The following TNIP1 variants were observed in gnomAD, a reference collection of about 807,000 sequenced individuals.
TNIP1 encodes TNFAIP3-interacting protein 1.
A neutral mutation model predicts 86.6 loss-of-function variants in TNIP1; 22 were observed. The ratio of observed to expected loss-of-function variants is 0.25; its 90% confidence interval spans 0.18 to 0.36. The LOEUF is 0.36. TNIP1 is among the 10% of genes least tolerant of loss of function. The probability of loss-of-function intolerance (pLI) is 1.00; values close to 1 mark genes in which losing one functional copy is unlikely to be tolerated. For missense variants in TNIP1, 709 were observed against 820.6 expected (o/e 0.86, Z 1.66); for synonymous variants, 294 against 313.0 (o/e 0.94, Z 0.64).
At chr5:151,083,214 G>A (rs1034022840), upstream of TNIP1, among the ~76,000 whole-genome samples, 2 of 152,236 alleles carry the variant, frequency 1.3e-5, no homozygotes, top group African/African-American at 4.8e-5. Context: ...TCAGGCTTCT[G>A]TCTGGAAAAT....
At chr5:151,075,318 T>C (rs1297582907) in intron 1 of TNIP1, among the ~76,000 whole-genome samples, 1 of 152,176 alleles carries the variant, frequency 6.6e-6, no homozygotes, top group African/African-American at 2.4e-5. Context: ...CTTCAATTTT[T>C]CTTTTTTCTT....
Position 151,063,742 on chromosome 5 carries a change from GCTCC to G in TNIP1, c.138_141del (p.Glu47PhefsTer19). 1 of 1,613,836 alleles carries G rather than the reference GCTCC, an allele frequency of 6.2e-7. No individual in the cohort carries two copies. The highest frequency in any genetic ancestry group is 8.5e-7 in the Non-Finnish European group (1 of 1,179,858). On this transcript the variant is annotated frameshift_variant and splice_region_variant, in exon 3 of 18. Transcript: ENST00000521591. LOFTEE classifies it high-confidence loss of function. ...GCTTCCATCTGGGACTCTTCCAAAAGCTCCCCTAGAGTTATTGGGGAAGAGGAAG... is the reference window on the plus strand; with the variant it reads ...GCTTCCATCTGGGACTCTTCCAAAAGCCTAGAGTTATTGGGGAAGAGGAAG...
intron 1 of TNIP1, among the ~76,000 whole-genome samples, chr5:151,079,026 G>T (rs1763705049): frequency 6.6e-6 from 1 of 152,182 alleles, no homozygotes; most frequent in African/African-American, 2.4e-5. Context: ...CCAGGGGCAG[G>T]CATCAACCTT....
chr5:151,040,202 G>A (rs780494664), intron 11 of TNIP1, among the ~76,000 whole-genome samples: 1 of 152,250 alleles, frequency 6.6e-6, no homozygotes, highest in Non-Finnish European at 1.5e-5. Flanking sequence ...GAAAGGTCTG[G>A]AAACAGATGC....
At chr5:151,066,298 C>G (rs557894292) in intron 1 of TNIP1, among the ~76,000 whole-genome samples, 1 of 152,344 alleles carries the variant, frequency 6.6e-6, no homozygotes, top group African/African-American at 2.4e-5. Flanking sequence ...ACAGTAAGGG[C>G]AGAGGCCCTA....
chr5:151,058,257 A>G (rs1481573693), intron 5 of TNIP1, among the ~76,000 whole-genome samples: 3 of 152,226 alleles, frequency 2.0e-5, no homozygotes, highest in Non-Finnish European at 4.4e-5. Context: ...CCAAGCATTC[A>G]TCAGCTTCTG....
intron 6 of TNIP1, 144 bp from the exon 7 acceptor site, chr5:151,052,403 T>A: frequency 1.5e-6 from 1 of 669,422 alleles, no homozygotes; most frequent in Non-Finnish European, 2.5e-6. Flanking sequence ...CATCCCTCTC[T>A]AAGGAGCTAA....
intron 2 of TNIP1, 37 bp downstream of exon 2, chr5:151,064,923 A>AG: frequency 6.2e-7 from 1 of 1,613,068 alleles, no homozygotes; most frequent in Non-Finnish European, 8.5e-7. Context: ...GTCTGCAGGG[A>AG]GGGGCGCTCG....
At chr5:151,076,622 G>A (rs2113822764) in intron 1 of TNIP1, among the ~76,000 whole-genome samples, 1 of 152,280 alleles carries the variant, frequency 6.6e-6, no homozygotes, top group Non-Finnish European at 1.5e-5. Flanking sequence ...TGGCCACTGT[G>A]CACTCTCTTA....
At chr5:151,047,733 G>A (rs553326698) in intron 8 of TNIP1, among the ~76,000 whole-genome samples, 1 of 152,202 alleles carries the variant, frequency 6.6e-6, no homozygotes, top group East Asian at 1.9e-4. Context: ...GTGCTGGGGT[G>A]AAACAGCAGA....
At chr5:151,035,896 C>A (rs889386347) in intron 13 of TNIP1, among the ~76,000 whole-genome samples, 189 bp from the exon 14 acceptor site, 37 of 152,188 alleles carry the variant, frequency 2.4e-4, no homozygotes, top group African/African-American at 8.7e-4. Flanking sequence ...GTCCCTCTAT[C>A]TTACATTCTG....
intron 17 of TNIP1, among the ~76,000 whole-genome samples, chr5:151,031,481 C>T (rs567549426): frequency 3.5e-4 from 53 of 152,328 alleles, no homozygotes; most frequent in African/African-American, 7.7e-4. Context: ...AATCTTTTCA[C>T]GAGTGGACAC....
At chr5:151,059,801 GAGAGAGAGAGAGA>G (rs1761172309) in intron 5 of TNIP1, among the ~76,000 whole-genome samples, 1 of 108,466 alleles carries the variant, frequency 9.2e-6, no homozygotes, top group African/African-American at 4.6e-5. Context: ...GAGAGAGAGA[GAGAGAGAGAGAGA>G]GAGAGAGAGA....
intron 1 of TNIP1, chr5:151,079,987 G>C (rs1763819193): frequency 6.6e-6 from 1 of 152,192 alleles, no homozygotes; most frequent in Admixed American, 6.5e-5. Flanking sequence ...CTGTCATTCT[G>C]CAAGGGGGTG....
At chr5:151,031,796 T>C (rs190487307) in intron 17 of TNIP1, among the ~76,000 whole-genome samples, 3 of 152,256 alleles carry the variant, frequency 2.0e-5, no homozygotes, top group African/African-American at 7.2e-5. Flanking sequence ...GCATTTGTCA[T>C]GTTCTCTGCA....
intron 3 of TNIP1, 76 bp downstream of exon 3, chr5:151,063,537 G>A: frequency 6.4e-7 from 1 of 1,567,026 alleles, no homozygotes; most frequent in South Asian, 1.1e-5. Flanking sequence ...TTTGGCATAA[G>A]AAGGGAGTTC....
At chr5:151,056,978 C>T (rs373363051) in intron 5 of TNIP1, 21 bp from the exon 6 acceptor site, 130 of 1,439,302 alleles carry the variant, frequency 9.0e-5, no homozygotes, top group East Asian at 1.3e-4. Context: ...AAAGGGCACA[C>T]GGCCCACTCT....
At chr5:151,034,245 A>G (rs535360336) in intron 15 of TNIP1, among the ~76,000 whole-genome samples, 114 of 147,774 alleles carry the variant, frequency 7.7e-4, no homozygotes, top group African/African-American at 2.8e-3. Flanking sequence ...GTACATGGGC[A>G]CGGAAAGCTA....
chr5:151,076,492 CAG>C (rs5872188), intron 1 of TNIP1, among the ~76,000 whole-genome samples: 34,097 of 152,022 alleles, frequency 0.22, 5,432 homozygotes, highest in African/African-American at 0.46. Flanking sequence ...CCTGAGATGC[CAG>C]AGAGTGAAAC....
Sources: allele counts gnomAD v4.1 joint callset (sites outside exome capture counted in the v4.1 genomes callset), GRCh38; gene constraint gnomAD v4.1.1; transcripts MANE v1.5; gene names NCBI Gene and HGNC (gene_info 2026-07-23, HGNC 2026-07-21).